RAD51B: variants seen among roughly 807,000 people sequenced by gnomAD.
The protein encoded by RAD51B is RAD51 paralog B.
In RAD51B, 38 loss-of-function variants were observed where a neutral mutation model predicts 42.2. That is an observed-to-expected ratio of 0.90 (90% CI 0.70 to 1.18). RAD51B has a LOEUF of 1.18. Among genes scored for constraint, RAD51B ranks in the 50% most tolerant of loss-of-function variants. The pLI is 0.00. For synonymous variants in RAD51B, 154 were observed against 145.2 expected, an observed-to-expected ratio of 1.06 and a Z score of -0.43; for missense variants, 373 against 400.7, an observed-to-expected ratio of 0.93 and a Z score of 0.59.
chr14:68,177,237 C>G (rs1265783993), intron 7 of RAD51B, among the ~76,000 whole-genome samples: 1 of 152,204 alleles, frequency 6.6e-6, no homozygotes, highest in Non-Finnish European at 1.5e-5. Context: ...AAAGCACCAT[C>G]TTTTTCTGGG....
At chr14:68,417,081 T>C (rs943444938) in intron 9 of RAD51B, among the ~76,000 whole-genome samples, 3 of 152,182 alleles carry the variant, frequency 2.0e-5, no homozygotes, top group African/African-American at 7.2e-5. Flanking sequence ...AGGATGATGT[T>C]TTACCTGATG....
At chr14:67,840,483 T>C (rs2041389388) in intron 4 of RAD51B, among the ~76,000 whole-genome samples, 1 of 152,228 alleles carries the variant, frequency 6.6e-6, no homozygotes, top group Non-Finnish European at 1.5e-5. Flanking sequence ...TATGGCTGTG[T>C]AGTAGTCCAT....
chr14:68,338,799 A>C, intron 8 of RAD51B: 1 of 571,590 alleles, frequency 1.7e-6, no homozygotes, highest in Non-Finnish European at 3.3e-6. Flanking sequence ...TACAGACTTG[A>C]GACCCAGGAC....
intron 11 of RAD51B, among the ~76,000 whole-genome samples, chr14:68,665,334 A>G (rs1436212275): frequency 6.6e-6 from 1 of 152,272 alleles, no homozygotes; most frequent in East Asian, 1.9e-4. Context: ...CAGGCAGGAT[A>G]TTGAGTTTTA....
chr14:67,837,306 A>G (rs10146380), intron 4 of RAD51B, among the ~76,000 whole-genome samples: 48,373 of 150,912 alleles, frequency 0.32, 8,104 homozygotes, highest in Middle Eastern at 0.45. Flanking sequence ...ATCCACAGTC[A>G]TAAACTTACT....
At chr14:68,478,868 G>C (rs1263295829), downstream of RAD51B, among the ~76,000 whole-genome samples, 2 of 152,180 alleles carry the variant, frequency 1.3e-5, no homozygotes, top group African/African-American at 4.8e-5. Flanking sequence ...CGCATACCAA[G>C]TGCTCAGGTA....
intron 8 of RAD51B, among the ~76,000 whole-genome samples, chr14:68,338,062 G>T (rs1175406681): frequency 6.6e-6 from 1 of 152,096 alleles, no homozygotes; most frequent in Non-Finnish European, 1.5e-5. Flanking sequence ...AAAGTGCTGG[G>T]ATTATAGTCA....
chr14:68,435,050 C>T (rs550960538), intron 9 of RAD51B, among the ~76,000 whole-genome samples: 158 of 152,202 alleles, frequency 1.0e-3, no homozygotes, highest in African/African-American at 3.8e-3. Flanking sequence ...ATTTTAGATT[C>T]AGGAACATAT....
exon 11 of RAD51B, chr14:68,594,853 G>A: frequency 8.5e-7 from 1 of 1,180,218 alleles, no homozygotes; most frequent in Middle Eastern, 3.7e-4. Context: ...CAGACCAAAT[G>A]TCCCAGGCAC....
intron 7 of RAD51B, among the ~76,000 whole-genome samples, chr14:68,145,964 A>G (rs569485952): frequency 6.6e-6 from 1 of 152,236 alleles, no homozygotes. Context: ...TTACTGAACT[A>G]TGTGATGAAC....
chr14:68,667,315 G>A (rs1893051940), intron 11 of RAD51B, among the ~76,000 whole-genome samples: 1 of 152,232 alleles, frequency 6.6e-6, no homozygotes, highest in Non-Finnish European at 1.5e-5. Flanking sequence ...TCTGGAGGCA[G>A]AATTCCTTCT....
intron 7 of RAD51B, among the ~76,000 whole-genome samples, chr14:67,957,981 T>C (rs2074585087): frequency 6.6e-6 from 1 of 152,220 alleles, no homozygotes. Flanking sequence ...CCTCACCAAT[T>C]ACAGAGAATA....
intron 7 of RAD51B, among the ~76,000 whole-genome samples, chr14:68,110,477 C>T (rs2140582009): frequency 6.6e-6 from 1 of 152,096 alleles, no homozygotes; most frequent in Middle Eastern, 3.4e-3. Context: ...AGCAAAGTGG[C>T]ATTACTTACT....
intron 9 of RAD51B, among the ~76,000 whole-genome samples, chr14:68,423,846 T>C (rs1409551141): frequency 6.6e-6 from 1 of 152,230 alleles, no homozygotes; most frequent in Non-Finnish European, 1.5e-5. Context: ...CTTATAACTG[T>C]GTGGCTCTGT....
chr14:68,272,635 T>TTATATATATACATATATA (rs2081129888), intron 7 of RAD51B, among the ~76,000 whole-genome samples: 1 of 19,850 alleles, frequency 5.0e-5, no homozygotes, highest in Non-Finnish European at 8.8e-5. Flanking sequence ...TATAAACACT[T>TTATATATATACATATATA]TATATATATA....
chr14:68,637,744 G>A (rs1343553153), intron 10 of RAD51B, among the ~76,000 whole-genome samples: 9 of 152,194 alleles, frequency 5.9e-5, no homozygotes, highest in Admixed American at 5.9e-4. Flanking sequence ...AAGAACCAGG[G>A]CTGTGGCGGC....
chr14:68,269,626 C>T (rs772038646), intron 7 of RAD51B, among the ~76,000 whole-genome samples: 2 of 152,204 alleles, frequency 1.3e-5, no homozygotes, highest in Non-Finnish European at 2.9e-5. Flanking sequence ...ATTGCCTGCT[C>T]ATTTCCTGGT....
chr14:68,063,216 C>G (rs2076597180), intron 7 of RAD51B, among the ~76,000 whole-genome samples: 1 of 151,780 alleles, frequency 6.6e-6, no homozygotes, highest in African/African-American at 2.4e-5. Context: ...TTTTAAGTCT[C>G]TATTTTGTTT....
At chr14:68,665,228 C>T (rs1254686976) in intron 11 of RAD51B, among the ~76,000 whole-genome samples, 5 of 152,266 alleles carry the variant, frequency 3.3e-5, no homozygotes, top group African/African-American at 1.2e-4. Flanking sequence ...GAGGGCAATG[C>T]CATGGGAAGG....
Sources: allele counts gnomAD v4.1 joint callset (sites outside exome capture counted in the v4.1 genomes callset), GRCh38; gene constraint gnomAD v4.1.1; transcripts MANE v1.5; gene names NCBI Gene and HGNC (gene_info 2026-07-23, HGNC 2026-07-21).